Variants in PSKH1 observed in about 807,000 individuals in gnomAD.
The protein encoded by PSKH1 is protein serine kinase H1.
Under a neutral mutation model 26.7 loss-of-function variants are expected in PSKH1, and 12 were observed. That is an observed-to-expected ratio of 0.45 (90% CI 0.29 to 0.73). The LOEUF is 0.73. PSKH1 is among the 30% of genes least tolerant of loss of function. The pLI is 0.11. For synonymous variants in PSKH1, 213 were observed against 234.3 expected, an observed-to-expected ratio of 0.91 and a Z score of 0.83; for missense variants, 431 against 595.2, an observed-to-expected ratio of 0.72 and a Z score of 2.87.
intron 2 of PSKH1, among the ~76,000 whole-genome samples, chr16:67,915,118 C>A (rs1010621779): frequency 1.8e-4 from 27 of 152,030 alleles, no homozygotes; most frequent in African/African-American, 6.3e-4. Context: ...TCCTTAGATT[C>A]TGTTGTTCTT....
At chr16:67,895,968 A>G (rs762290131) in intron 1 of PSKH1, among the ~76,000 whole-genome samples, 3 of 152,184 alleles carry the variant, frequency 2.0e-5, no homozygotes, top group Admixed American at 6.5e-5. Context: ...CGTGCCTACT[A>G]CATGTGCTTG....
intron 2 of PSKH1, chr16:67,910,100 G>T (rs2151312596): frequency 5.0e-6 from 2 of 400,292 alleles, no homozygotes; most frequent in Admixed American, 4.0e-5. Flanking sequence ...GTTTCTTTTT[G>T]TTTTGTTTTT....
intron 2 of PSKH1, among the ~76,000 whole-genome samples, chr16:67,922,846 C>T (rs919962406): frequency 3.3e-5 from 5 of 152,234 alleles, no homozygotes; most frequent in Admixed American, 3.3e-4. Context: ...CAGTAGGCAG[C>T]CCTGCCTGCC....
chr16:67,894,317 T>C (rs1447339312), intron 1 of PSKH1, among the ~76,000 whole-genome samples: 2 of 152,164 alleles, frequency 1.3e-5, no homozygotes, highest in Admixed American at 6.6e-5. Context: ...CACGCCTGGC[T>C]AAGTTTAAAA....
intron 1 of PSKH1, among the ~76,000 whole-genome samples, chr16:67,897,710 G>A (rs757190064): frequency 1.3e-5 from 2 of 152,162 alleles, no homozygotes; most frequent in African/African-American, 2.4e-5. Flanking sequence ...TGATGATGGC[G>A]AGGTCTCACT....
chr16:67,913,717 C>A (rs1056985782), intron 2 of PSKH1, among the ~76,000 whole-genome samples: 1 of 152,172 alleles, frequency 6.6e-6, no homozygotes, highest in Non-Finnish European at 1.5e-5. Flanking sequence ...TTCTCAGACT[C>A]CTGATGTTCA....
At chr16:67,921,840 C>T (rs1019598844) in intron 2 of PSKH1, among the ~76,000 whole-genome samples, 1 of 152,168 alleles carries the variant, frequency 6.6e-6, no homozygotes, top group Non-Finnish European at 1.5e-5. Flanking sequence ...CTCTCCTTCC[C>T]CTCCACTCTG....
intron 2 of PSKH1, among the ~76,000 whole-genome samples, chr16:67,913,232 C>T (rs972188118): frequency 2.6e-5 from 4 of 151,970 alleles, no homozygotes; most frequent in East Asian, 2.0e-4. Context: ...CTGCAGCTTC[C>T]GCCTCTCAGG....
intron 1 of PSKH1, among the ~76,000 whole-genome samples, chr16:67,906,814 G>T (rs1443342341): frequency 5.3e-5 from 8 of 152,120 alleles, no homozygotes; most frequent in African/African-American, 1.9e-4. Flanking sequence ...CAGCCCCAGG[G>T]TATTTAGTTC....
At chr16:67,911,061 G>A (rs191587439) in intron 2 of PSKH1, among the ~76,000 whole-genome samples, 14 of 152,340 alleles carry the variant, frequency 9.2e-5, no homozygotes, top group African/African-American at 2.9e-4. Flanking sequence ...AAGGCTGACT[G>A]CAGGAAGCAG....
intron 1 of PSKH1, 32 bp from the exon 2 acceptor site, chr16:67,908,648 G>A: frequency 9.9e-7 from 1 of 1,012,220 alleles, no homozygotes. Context: ...AGTTGGCCTG[G>A]CTGTGCTGAC....
chr16:67,902,247 G>A (rs2058143908), intron 1 of PSKH1, among the ~76,000 whole-genome samples: 2 of 150,844 alleles, frequency 1.3e-5, no homozygotes, highest in Non-Finnish European at 1.5e-5. Flanking sequence ...GTGATAAAGC[G>A]AGACTCCATC....
intron 1 of PSKH1, among the ~76,000 whole-genome samples, chr16:67,894,440 T>G (rs1029007820): frequency 6.6e-6 from 1 of 152,228 alleles, no homozygotes; most frequent in Non-Finnish European, 1.5e-5. Flanking sequence ...GCCACTGTGC[T>G]TGGTCCCCTT....
chr16:67,902,581 C>A (rs935202733), intron 1 of PSKH1, among the ~76,000 whole-genome samples: 1 of 152,190 alleles, frequency 6.6e-6, no homozygotes, highest in Non-Finnish European at 1.5e-5. Flanking sequence ...CAGGCCTGAG[C>A]CACTGCGCCC....
At chr16:67,893,830 C>A (rs1313215857) in intron 1 of PSKH1, among the ~76,000 whole-genome samples, 1 of 152,216 alleles carries the variant, frequency 6.6e-6, no homozygotes, top group African/African-American at 2.4e-5. Flanking sequence ...AGGTCTGAGT[C>A]CAGCTGGGTT....
At position 67,927,783 on chromosome 16, in the gene PSKH1, G is replaced by A. The variant is rs998705367; in HGVS notation, c.*141G>A. The A allele has an allele frequency of 2.0e-6, 2 of 1,011,038 alleles. No homozygotes were observed. The highest frequency in any genetic ancestry group is 2.8e-6 in the Non-Finnish European group (2 of 706,524). 62.6% of individuals were successfully genotyped at this position (1,011,038 alleles called of 1,614,324 possible). A position where few individuals can be genotyped will look rare whatever the true frequency, so the allele number is the denominator to read the frequency against. On this transcript the variant is annotated 3_prime_UTR_variant, in exon 3 of 3. Coordinates refer to ENST00000291041, the MANE Select transcript of PSKH1 (RefSeq NM_006742.3). The surrounding 1 kb of genome is among the most constrained non-coding windows in gnomAD (Gnocchi z 5.5). Reference sequence around the variant, plus strand: ...TGTCTGGCTCCAGCCCTTTCTCTGTGCCTTCAGCAGCCCCTGTCCTCACCA... The same window carrying A: ...TGTCTGGCTCCAGCCCTTTCTCTGTACCTTCAGCAGCCCCTGTCCTCACCA...
chr16:67,925,519 C>A (rs2058213597), intron 2 of PSKH1, among the ~76,000 whole-genome samples: 1 of 152,086 alleles, frequency 6.6e-6, no homozygotes, highest in Admixed American at 6.6e-5. Flanking sequence ...ACTACACAAG[C>A]CCCCAGGAGA....
chr16:67,912,771 G>T (rs957456190), intron 2 of PSKH1, among the ~76,000 whole-genome samples: 2 of 152,208 alleles, frequency 1.3e-5, no homozygotes, highest in Non-Finnish European at 2.9e-5. Context: ...GGGAGGCTGA[G>T]GCAGGAGAAT....
chr16:67,906,956 A>C (rs1012731793), intron 1 of PSKH1, among the ~76,000 whole-genome samples: 4 of 150,372 alleles, frequency 2.7e-5, no homozygotes, highest in Admixed American at 2.6e-4. Context: ...TCTGAGCTCA[A>C]GCCCCTCTGA....
Sources: gnomAD v4.1 joint callset for allele counts (sites outside exome capture counted in the v4.1 genomes callset) on GRCh38, gnomAD v4.1.1 for gene constraint, Gnocchi (gnomAD v3.1) non-coding constraint, MANE v1.5 for transcripts, NCBI Gene and HGNC (gene_info 2026-07-23, HGNC 2026-07-21) for gene names.